Variants in TMEM260 observed in about 807,000 individuals in gnomAD.
TMEM260 encodes the protein protein O-mannosyl-transferase TMEM260.
TMEM260 carries 82 observed loss-of-function variants against 88.9 expected under a neutral mutation model. The observed-to-expected ratio is 0.92, with a 90% CI of 0.77 to 1.11. The LOEUF is 1.11. Ranked by LOEUF, TMEM260 falls within the 50% of genes least tolerant of loss-of-function variation. The probability of loss-of-function intolerance (pLI) is 0.00; values close to 1 mark genes in which losing one functional copy is unlikely to be tolerated. For missense variants in TMEM260, 902 were observed against 853.4 expected (o/e 1.06, Z -0.71); for synonymous variants, 314 against 309.3 (o/e 1.02, Z -0.16).
Position 56,600,122 on chromosome 14 carries a change from A to G in TMEM260, c.345-3693A>G, listed in dbSNP as rs144918871. ...TCAGAGTTTGACTTATAAAAATCCT[A>G]TTGAAATCAAAGAAATTCATACAGG... On this transcript the variant is annotated intron_variant, in intron 3 of 15. Coordinates refer to ENST00000261556, the MANE Select transcript of TMEM260 (RefSeq NM_017799.4). Among the ~76,000 whole-genome samples, 857 of 152,316 alleles carry G rather than the reference A, an allele frequency of 5.6e-3. 9 individuals carry two copies. Among genetic ancestry groups the G allele is most frequent in the African/African-American group, 0.02 (823 of 41,568 alleles).
intron 3 of TMEM260, among the ~76,000 whole-genome samples, chr14:56,591,602 C>T (rs1885868174): frequency 6.6e-6 from 1 of 152,158 alleles, no homozygotes; most frequent in Non-Finnish European, 1.5e-5. Flanking sequence ...AGTCTTGCTC[C>T]TGAATGCAAA....
intron 3 of TMEM260, among the ~76,000 whole-genome samples, chr14:56,601,603 T>C (rs1037710179): frequency 2.0e-5 from 3 of 152,176 alleles, no homozygotes; most frequent in African/African-American, 4.8e-5. Context: ...ATTCATTGAT[T>C]ATTATTAAGA....
At position 56,625,471 on chromosome 14, in the gene TMEM260, A is replaced by C. The variant is rs528927395; in HGVS notation, c.1488A>C (p.Gly496=). 9 of 1,612,604 alleles carry C rather than the reference A, an allele frequency of 5.6e-6. No individual in the cohort carries two copies. The East Asian group carries it at 2.0e-4, about 36-fold the overall frequency. ...GGAACCGGTGGAATCCTGTGGAAGG[A>C]ATATTACCTAGTGGAATGGTCACAT... is the stretch of plus-strand genomic sequence containing the variant. The part of the protein sequence containing the change: ...FPGNRWNPVE[G]ILPSGMVTFN... The change falls in exon 12 of 16, where the codon GGA becomes GGC. Residue 496 remains glycine, a synonymous_variant. Transcript: ENST00000261556.
At chr14:56,622,386 A>G (rs1396222978) in intron 11 of TMEM260, among the ~76,000 whole-genome samples, 1 of 151,712 alleles carries the variant, frequency 6.6e-6, no homozygotes, top group Non-Finnish European at 1.5e-5. Context: ...ATATTCAGCT[A>G]ACTCAACCAT....
chr14:56,642,820 A>T (rs996405306), intron 15 of TMEM260, among the ~76,000 whole-genome samples: 6 of 152,232 alleles, frequency 3.9e-5, no homozygotes, highest in African/African-American at 1.4e-4. Context: ...AAAAATGACA[A>T]AGGGGATATC....
intron 15 of TMEM260, among the ~76,000 whole-genome samples, chr14:56,637,417 C>CAGCCACGCTGAAGGTCTT (rs1889191646): frequency 1.3e-5 from 2 of 152,180 alleles, no homozygotes; most frequent in Non-Finnish European, 2.9e-5. Context: ...TCGGAAGACA[C>CAGCCACGCTGAAGGTCTT]AGCCACGCTG....
chr14:56,653,863 A>T (rs1207005710), downstream of TMEM260, among the ~76,000 whole-genome samples: 1 of 152,172 alleles, frequency 6.6e-6, no homozygotes, highest in East Asian at 1.9e-4. Context: ...TGACTTGATT[A>T]CTGTCACACA....
intron 12 of TMEM260, 125 bp from the exon 13 acceptor site, chr14:56,632,870 T>G (rs1229263065): frequency 2.3e-6 from 2 of 856,326 alleles, no homozygotes; most frequent in East Asian, 2.7e-5. Flanking sequence ...TAAGTAATTT[T>G]TCCAAAATCA....
intron 13 of TMEM260, 52 bp downstream of exon 13, chr14:56,633,223 C>T (rs371201607): frequency 7.1e-7 from 1 of 1,418,118 alleles, no homozygotes; most frequent in Admixed American, 2.3e-5. Context: ...GTTTTGAATA[C>T]CCAAAAAAAC....
At chr14:56,653,736 C>CAAAACAAAAAAAAAAAA (rs1555343535), downstream of TMEM260, among the ~76,000 whole-genome samples, 22 of 66,544 alleles carry the variant, frequency 3.3e-4, no homozygotes, top group African/African-American at 1.1e-3. Flanking sequence ...CTCTTGTCTC[C>CAAAACAAAAAAAAAAAA]AAAACAAAAA....
chr14:56,587,674 T>G (rs1885593217), intron 3 of TMEM260, among the ~76,000 whole-genome samples: 1 of 152,052 alleles, frequency 6.6e-6, no homozygotes. Flanking sequence ...AAAAGTTGCT[T>G]TCTTTCAGAA....
chr14:56,655,527 A>G (rs966782047), downstream of TMEM260, among the ~76,000 whole-genome samples: 3 of 152,196 alleles, frequency 2.0e-5, no homozygotes, highest in African/African-American at 7.2e-5. Context: ...AAAGATATAT[A>G]GATTACCTAT....
Position 56,647,637 on chromosome 14 carries a change from T to A in TMEM260, c.*140T>A. On this transcript the variant is annotated 3_prime_UTR_variant, in exon 16 of 16. Coordinates refer to ENST00000261556, the MANE Select transcript of TMEM260 (RefSeq NM_017799.4). ...AGATATAAGTATCATGGTCCAGCAG[T>A]ACTGTTTAATGGGGTATTCAGTGAC... is the stretch of plus-strand genomic sequence containing the variant. 1.1e-6 allele frequency: 1 copy of A among 928,990 alleles called. No individual in the cohort carries two copies. Among genetic ancestry groups the A allele is most frequent in the Non-Finnish European group, 1.6e-6 (1 of 641,168 alleles). The allele number at this position is 928,990 out of a possible 1,614,324, so 57.5% of individuals were successfully genotyped here. A position where few individuals can be genotyped will look rare whatever the true frequency, so the allele number is the denominator to read the frequency against.
At chr14:56,614,264 C>CAGCT (rs1336051903) in intron 7 of TMEM260, among the ~76,000 whole-genome samples, 1 of 147,586 alleles carries the variant, frequency 6.8e-6, no homozygotes, top group East Asian at 2.0e-4. Context: ...CCTGTAGTTG[C>CAGCT]AGCTACTCAG....
intron 12 of TMEM260, among the ~76,000 whole-genome samples, chr14:56,631,274 C>G (rs1255572535): frequency 6.6e-6 from 1 of 152,154 alleles, no homozygotes; most frequent in Admixed American, 6.6e-5. Context: ...CTGATTCTTC[C>G]CTGGGGGTGG....
At chr14:56,621,836 T>TACCTA in intron 11 of TMEM260, 134 bp downstream of exon 11, 2 of 639,908 alleles carry the variant, frequency 3.1e-6, no homozygotes, top group Non-Finnish European at 4.8e-6. Flanking sequence ...TATGACATTC[T>TACCTA]ACATGTTAGG....
intron 15 of TMEM260, among the ~76,000 whole-genome samples, 195 bp from the exon 16 acceptor site, chr14:56,647,048 A>G (rs1486429441): frequency 6.6e-6 from 1 of 152,140 alleles, no homozygotes; most frequent in African/African-American, 2.4e-5. Context: ...TAGAAGCAGC[A>G]TATTTGCCTC....
chr14:56,627,275 A>G (rs1888298821), intron 12 of TMEM260, among the ~76,000 whole-genome samples: 1 of 152,260 alleles, frequency 6.6e-6, no homozygotes, highest in East Asian at 1.9e-4. Flanking sequence ...AGAATGAGAA[A>G]TGTTTTTAAA....
intron 15 of TMEM260, among the ~76,000 whole-genome samples, chr14:56,638,676 A>AC (rs1234243935): frequency 6.6e-6 from 1 of 152,050 alleles, no homozygotes; most frequent in Admixed American, 6.5e-5. Context: ...CTGAATTACC[A>AC]CCCCCAGTGC....
Sources: gnomAD v4.1 joint callset for allele counts (sites outside exome capture counted in the v4.1 genomes callset) on GRCh38, gnomAD v4.1.1 for gene constraint, MANE v1.5 for transcripts, NCBI Gene and HGNC (gene_info 2026-07-23, HGNC 2026-07-21) for gene names.